The following SLC25A21 variants were observed in gnomAD, a reference collection of about 807,000 sequenced individuals.
SLC25A21 encodes mitochondrial 2-oxodicarboxylate carrier.
A neutral mutation model predicts 43.8 loss-of-function variants in SLC25A21; 47 were observed. The observed-to-expected ratio is 1.07, with a 90% CI of 0.85 to 1.37. The LOEUF is 1.37. Ranked by LOEUF, SLC25A21 falls within the 40% of genes most tolerant of loss-of-function variation. SLC25A21 has a pLI of 0.00. For synonymous variants in SLC25A21, 131 were observed against 121.3 expected (o/e 1.08, Z -0.52); for missense variants, 352 against 350.2 (o/e 1.00, Z -0.04).
intron 1 of SLC25A21, among the ~76,000 whole-genome samples, chr14:37,076,349 T>C (rs1962280764): frequency 6.6e-6 from 1 of 150,646 alleles, no homozygotes. Flanking sequence ...TTAGTAGAGA[T>C]GTAGTAGAGA....
At chr14:36,786,613 C>T (rs1594586715) in intron 3 of SLC25A21, among the ~76,000 whole-genome samples, 1 of 152,192 alleles carries the variant, frequency 6.6e-6, no homozygotes, top group South Asian at 2.1e-4. Context: ...CAACTCTTTG[C>T]AAGGCTCTTC....
rs78686280 is a variant in SLC25A21, at chr14:36,891,785, T to A, written c.71-16781A>T. Among the ~76,000 whole-genome samples, 1,041 of 152,230 alleles carry A rather than the reference T, an allele frequency of 6.8e-3. 16 individuals are homozygous for A. Among genetic ancestry groups the A allele is most frequent in the African/African-American group, 0.023 (958 of 41,538 alleles). On this transcript the variant is annotated intron_variant, in intron 1 of 9. Transcript: ENST00000331299. ...TGTCTCTTCAATACCCGATTTCCCC[T>A]TCCCACTAACTGGAACTTCAAAGAG... is the stretch of plus-strand genomic sequence containing the variant.
chr14:36,949,521 G>A (rs557862345), intron 1 of SLC25A21, among the ~76,000 whole-genome samples: 52 of 152,222 alleles, frequency 3.4e-4, no homozygotes, highest in Non-Finnish European at 5.6e-4. Context: ...TCTTTCTCAG[G>A]AATTCTCCAC....
intron 3 of SLC25A21, among the ~76,000 whole-genome samples, chr14:36,764,079 A>AGAAAGAAAGAAGGAAGGAAGGAAG (rs1555326615): frequency 4.8e-5 from 2 of 41,866 alleles, no homozygotes; most frequent in African/African-American, 3.9e-4. Flanking sequence ...AAAGAAAGAA[A>AGAAAGAAAGAAGGAAGGAAGGAAG]GAAGGAAGGA....
chr14:36,876,916 G>GATAA (rs1890547217), intron 1 of SLC25A21, among the ~76,000 whole-genome samples: 1 of 137,374 alleles, frequency 7.3e-6, no homozygotes, highest in African/African-American at 2.6e-5. Context: ...TAGATAGATA[G>GATAA]ATAGATAGAT....
intron 1 of SLC25A21, among the ~76,000 whole-genome samples, chr14:36,881,848 C>G (rs1036021222): frequency 6.6e-6 from 1 of 152,234 alleles, no homozygotes; most frequent in African/African-American, 2.4e-5. Flanking sequence ...AGAAGACAAG[C>G]CGGGTGACCC....
intron 1 of SLC25A21, among the ~76,000 whole-genome samples, chr14:36,927,898 T>C (rs1183990957): frequency 1.3e-5 from 2 of 152,126 alleles, no homozygotes; most frequent in Non-Finnish European, 2.9e-5. Context: ...CATGAGCAAC[T>C]ACTTAGGAGA....
At position 36,680,135 on chromosome 14, in the gene SLC25A21, A is replaced by C; in HGVS notation, c.*523T>G. ...TAAAATTAAACATTCTTAAAAGGTC[A>C]TTTTAGTGCACTTTAAAAAATTTTT... On this transcript the variant is annotated 3_prime_UTR_variant, in exon 10 of 10. Transcript: ENST00000331299. The C allele has an allele frequency of 1.2e-6, 1 of 863,362 alleles. No individual in the cohort carries two copies. Among genetic ancestry groups the C allele is most frequent in the Non-Finnish European group, 1.4e-6 (1 of 719,742 alleles). The allele number at this position is 863,362 out of a possible 1,614,324, so 53.5% of individuals were successfully genotyped here.
chr14:36,963,543 A>C lies in SLC25A21; in HGVS notation c.71-88539T>G, dbSNP rs552608245. Among the ~76,000 whole-genome samples, 3 of 152,326 alleles carry C rather than the reference A, an allele frequency of 2.0e-5. No individual in the cohort carries two copies. In the East Asian group the frequency reaches 5.8e-4, roughly 29 times the overall value. ...GACAGTTCAACCAACCTACATGGCC[A>C]CAGAGGTTATTCCACCTGGTATTCT... On this transcript the variant is annotated intron_variant, in intron 1 of 9. Coordinates refer to ENST00000331299, the MANE Select transcript of SLC25A21 (RefSeq NM_030631.4).
At chr14:36,792,588 C>T (rs1887527602) in intron 3 of SLC25A21, among the ~76,000 whole-genome samples, 1 of 152,098 alleles carries the variant, frequency 6.6e-6, no homozygotes, top group South Asian at 2.1e-4. Flanking sequence ...AACTTCAGGG[C>T]ACGCAAAGGA....
intron 1 of SLC25A21, among the ~76,000 whole-genome samples, chr14:36,921,520 T>C (rs848701): frequency 0.033 from 4,988 of 152,228 alleles, 281 homozygotes; most frequent in African/African-American, 0.11. Context: ...ACTACAGCTA[T>C]ATGAAACAAA....
chr14:36,924,276 C>T (rs1432043548), intron 1 of SLC25A21, among the ~76,000 whole-genome samples: 1 of 152,088 alleles, frequency 6.6e-6, no homozygotes, highest in African/African-American at 2.4e-5. Context: ...GGAACCAACC[C>T]AAATGCCCAT....
intron 2 of SLC25A21, among the ~76,000 whole-genome samples, chr14:36,847,707 A>G (rs574345621): frequency 6.6e-6 from 1 of 152,276 alleles, no homozygotes; most frequent in East Asian, 1.9e-4. Context: ...GGAAAAGGTG[A>G]GAAGGTCACT....
chr14:37,151,838 G>A lies in SLC25A21; in HGVS notation c.70+20443C>T, dbSNP rs868776701. Among the ~76,000 whole-genome samples, 7 of 152,068 alleles carry A rather than the reference G, an allele frequency of 4.6e-5. No individual in the cohort carries two copies. In the South Asian group the frequency reaches 6.2e-4, roughly 13 times the overall value. On this transcript the variant is annotated intron_variant, in intron 1 of 9. Coordinates refer to ENST00000331299, the MANE Select transcript of SLC25A21 (RefSeq NM_030631.4). ...TCACTTGAGGTCAGGAGTTCAAGAC[G>A]AGCCTGGCCAACATAGTGAAACCCT...
chr14:37,099,561 C>T (rs1962776608), intron 1 of SLC25A21, among the ~76,000 whole-genome samples: 1 of 152,106 alleles, frequency 6.6e-6, no homozygotes, highest in African/African-American at 2.4e-5. Flanking sequence ...ATTCCTCACC[C>T]ATTTTGGTAG....
chr14:36,845,298 C>T (rs1889507102), intron 2 of SLC25A21, among the ~76,000 whole-genome samples: 1 of 151,934 alleles, frequency 6.6e-6, no homozygotes, highest in South Asian at 2.1e-4. Context: ...CATAGGATAA[C>T]AATATAGAAA....
At chr14:37,000,079 C>T (rs1960454805) in intron 1 of SLC25A21, among the ~76,000 whole-genome samples, 1 of 152,128 alleles carries the variant, frequency 6.6e-6, no homozygotes, top group Non-Finnish European at 1.5e-5. Flanking sequence ...AATAAATTCT[C>T]CCCATTTTTT....
At chr14:37,047,852 C>T (rs1474912675) in intron 1 of SLC25A21, among the ~76,000 whole-genome samples, 2 of 152,174 alleles carry the variant, frequency 1.3e-5, no homozygotes, top group Non-Finnish European at 2.9e-5. Context: ...TCCAAGTTAT[C>T]TTTAACAGGC....
At chr14:36,973,383 G>A (rs1959797878) in intron 1 of SLC25A21, among the ~76,000 whole-genome samples, 1 of 152,174 alleles carries the variant, frequency 6.6e-6, no homozygotes, top group Non-Finnish European at 1.5e-5. Flanking sequence ...ACATAGCGGA[G>A]GCTGCCTCCG....
Sources: gnomAD v4.1 joint callset for allele counts (sites outside exome capture counted in the v4.1 genomes callset) on GRCh38, gnomAD v4.1.1 for gene constraint, MANE v1.5 for transcripts, NCBI Gene and HGNC (gene_info 2026-07-23, HGNC 2026-07-21) for gene names.